Variants in PTP4A3 observed in about 807,000 individuals in gnomAD.
PTP4A3 encodes the protein protein tyrosine phosphatase type IVA 3.
Under a neutral mutation model 15.2 loss-of-function variants are expected in PTP4A3, and 9 were observed. The observed-to-expected ratio is 0.59, with a 90% confidence interval of 0.36 to 1.03. The LOEUF (loss-of-function observed/expected upper bound fraction) is 1.03. Among genes scored for constraint, PTP4A3 ranks in the 50% least tolerant of loss-of-function variants. PTP4A3 has a pLI of 0.02. For synonymous variants in PTP4A3, 95 were observed against 102.0 expected (o/e 0.93, Z 0.41); for missense variants, 234 against 252.1 (o/e 0.93, Z 0.49).
intron 1 of PTP4A3, among the ~76,000 whole-genome samples, chr8:141,408,403 G>T (rs1217807073): frequency 6.6e-6 from 1 of 152,236 alleles, no homozygotes; most frequent in Non-Finnish European, 1.5e-5. Flanking sequence ...CGGATCACCT[G>T]AGGTCAGGAG....
At chr8:141,397,927 C>T (rs535479960) in intron 1 of PTP4A3, among the ~76,000 whole-genome samples, 6 of 152,326 alleles carry the variant, frequency 3.9e-5, no homozygotes, top group East Asian at 3.9e-4. Flanking sequence ...GTGTGAGCCT[C>T]GCTGTGTGTG....
intron 1 of PTP4A3, among the ~76,000 whole-genome samples, chr8:141,395,295 C>G (rs1405175362): frequency 1.3e-5 from 2 of 152,208 alleles, no homozygotes; most frequent in South Asian, 2.1e-4. Flanking sequence ...GGCTGTTGTA[C>G]AAAAGACAGT....
At chr8:141,397,876 C>T (rs764888345) in intron 1 of PTP4A3, among the ~76,000 whole-genome samples, 31 of 152,216 alleles carry the variant, frequency 2.0e-4, no homozygotes, top group Non-Finnish European at 3.7e-4. Context: ...ACCACTAGCC[C>T]GCTCTCTGTC....
At chr8:141,414,018 T>A (rs917758464) in intron 1 of PTP4A3, among the ~76,000 whole-genome samples, 1 of 152,054 alleles carries the variant, frequency 6.6e-6, no homozygotes, top group African/African-American at 2.4e-5. Flanking sequence ...GGGGTCCCCA[T>A]CTTCCCGGCA....
intron 5 of PTP4A3, 33 bp from the exon 6 acceptor site, chr8:141,430,894 G>C (rs1249753906): frequency 1.9e-6 from 3 of 1,606,182 alleles, no homozygotes; most frequent in Non-Finnish European, 2.6e-6. Context: ...CCAGGTCCTT[G>C]GATGATCTCT....
At chr8:141,422,456 G>T (rs1472737305) in intron 2 of PTP4A3, 111 bp downstream of exon 2, 3 of 1,161,508 alleles carry the variant, frequency 2.6e-6, no homozygotes, top group Admixed American at 3.8e-5. Context: ...GGCCAGACAG[G>T]GCTCACAGCC....
chr8:141,408,058 G>C (rs901968290), intron 1 of PTP4A3, among the ~76,000 whole-genome samples: 8 of 152,342 alleles, frequency 5.3e-5, no homozygotes, highest in African/African-American at 1.7e-4. Context: ...ACAGACTCAG[G>C]CTGCGCCGTG....
At chr8:141,422,725 C>G (rs76967575) in intron 2 of PTP4A3, among the ~76,000 whole-genome samples, 1 of 152,156 alleles carries the variant, frequency 6.6e-6, no homozygotes, top group Non-Finnish European at 1.5e-5. Flanking sequence ...CCAGATGTTG[C>G]TGGGCTCTGG....
chr8:141,426,960 G>C lies in PTP4A3; in HGVS notation c.220G>C (p.Ala74Pro). The C allele has an allele frequency of 6.2e-7, 1 of 1,610,896 alleles. No homozygotes were observed. The highest frequency in any genetic ancestry group is 8.5e-7 in the Non-Finnish European group (1 of 1,179,864). The change falls in exon 4 of 6, where the codon GCG becomes CCG. Residue 74 changes from alanine to proline, a missense_variant. Ala to Pro is a conservative substitution (Grantham distance 27). Transcript: ENST00000521578. ...TVVDWPFDDGAPPPGKVVEDW... is the reference protein window; with the variant it reads ...TVVDWPFDDGPPPPGKVVEDW... ...GTAGGACTGGCCGTTTGACGATGGG[G>C]CGCCCCCGCCCGGCAAGGTAGTGGA... is the stretch of plus-strand genomic sequence containing the variant.
At chr8:141,427,501 A>C (rs893032856) in intron 4 of PTP4A3, among the ~76,000 whole-genome samples, 4 of 152,170 alleles carry the variant, frequency 2.6e-5, no homozygotes, top group Non-Finnish European at 5.9e-5. Context: ...TCCGGCTCTT[A>C]GCACTTCACC....
At chr8:141,410,454 G>C (rs1470350918) in intron 1 of PTP4A3, among the ~76,000 whole-genome samples, 1 of 152,258 alleles carries the variant, frequency 6.6e-6, no homozygotes, top group East Asian at 1.9e-4. Context: ...AGGCTCCCCT[G>C]AGGGTTCTGA....
At position 141,406,951 on chromosome 8, in the gene PTP4A3, C is replaced by T. The variant is rs1267377734; in HGVS notation, c.-853-14437C>T. On this transcript the variant is annotated intron_variant, in intron 1 of 5. Transcript: ENST00000521578. The surrounding 1 kb of genome is among the most constrained non-coding windows in gnomAD (Gnocchi z 4.5). Reference sequence around the variant, plus strand: ...GAAATCTTTCCTGTCCTCTAGGGCCCATCTCTGATGCCACCTTCACCTTCT... The same window carrying T: ...GAAATCTTTCCTGTCCTCTAGGGCCTATCTCTGATGCCACCTTCACCTTCT... Among the ~76,000 whole-genome samples the T allele has an allele frequency of 6.6e-6, 1 of 152,196 alleles. No individual in the cohort carries two copies. The highest frequency in any genetic ancestry group is 1.5e-5 in the Non-Finnish European group (1 of 68,030).
At chr8:141,426,296 C>G (rs936742357) in intron 3 of PTP4A3, among the ~76,000 whole-genome samples, 32 of 152,224 alleles carry the variant, frequency 2.1e-4, no homozygotes, top group African/African-American at 7.5e-4. Flanking sequence ...GGAAGACTCA[C>G]GTTGCCCACC....
At chr8:141,400,418 C>A (rs1398232027) in intron 1 of PTP4A3, among the ~76,000 whole-genome samples, 1 of 152,252 alleles carries the variant, frequency 6.6e-6, no homozygotes, top group Non-Finnish European at 1.5e-5. Flanking sequence ...TGCTTCATTT[C>A]ACAAGAACCG....
At chr8:141,392,970 C>T (rs1362694762) in intron 1 of PTP4A3, among the ~76,000 whole-genome samples, 4 of 152,152 alleles carry the variant, frequency 2.6e-5, no homozygotes, top group Non-Finnish European at 5.9e-5. Flanking sequence ...CTGGGGTGTG[C>T]CCCGCACACG....
At chr8:141,419,572 T>A (rs1351575523) in intron 1 of PTP4A3, among the ~76,000 whole-genome samples, 6 of 21,646 alleles carry the variant, frequency 2.8e-4, no homozygotes, top group African/African-American at 9.6e-4. Flanking sequence ...CCACCACCGG[T>A]TTTTTTTTTT....
chr8:141,419,511 C>T lies in PTP4A3; in HGVS notation c.-853-1877C>T, dbSNP rs1479623576. On this transcript the variant is annotated intron_variant, in intron 1 of 5. Coordinates refer to ENST00000521578, the MANE Select transcript of PTP4A3 (RefSeq NM_032611.3). ...TCGGGCAAGGTGGGGACTGGCGGGA[C>T]CAGGGACAGTATCCTTGTCTCCACC... Among the ~76,000 whole-genome samples the T allele has an allele frequency of 5.3e-5, 8 of 152,054 alleles. No individual in the cohort carries two copies. In the East Asian group the frequency reaches 1.5e-3, roughly 29 times the overall value.
At position 141,424,649 on chromosome 8, in the gene PTP4A3, T is replaced by C. The variant is rs541288196; in HGVS notation, c.106-399T>C. ...CACCCCAGAGGAGGGAGTGGTGTGC[T>C]GGGCAGCTGGGGTCCCAGCTGCCAG... is the stretch of plus-strand genomic sequence containing the variant. On this transcript the variant is annotated intron_variant, in intron 2 of 5. Coordinates refer to ENST00000521578, the MANE Select transcript of PTP4A3 (RefSeq NM_032611.3). Among the ~76,000 whole-genome samples, 16 of 152,182 alleles carry C rather than the reference T, an allele frequency of 1.1e-4. No individual in the cohort carries two copies. The East Asian group carries it at 3.1e-3, about 29-fold the overall frequency.
At chr8:141,418,341 G>A (rs1833152372) in intron 1 of PTP4A3, among the ~76,000 whole-genome samples, 1 of 152,254 alleles carries the variant, frequency 6.6e-6, no homozygotes, top group Non-Finnish European at 1.5e-5. Flanking sequence ...GTGCCATCGG[G>A]AAGGAGGGCG....
Sources: gnomAD v4.1 joint callset for allele counts (sites outside exome capture counted in the v4.1 genomes callset) on GRCh38, gnomAD v4.1.1 for gene constraint, Gnocchi (gnomAD v3.1) non-coding constraint, MANE v1.5 for transcripts, NCBI Gene and HGNC (gene_info 2026-07-23, HGNC 2026-07-21) for gene names.